The following GRIN2B variants were observed in gnomAD, a reference collection of about 807,000 sequenced individuals.
The protein encoded by GRIN2B is glutamate ionotropic receptor NMDA type subunit 2B, also known as glutamate receptor ionotropic, NMDA 2B.
GRIN2B carries 5 observed loss-of-function variants against 114.5 expected under a neutral mutation model. That is an observed-to-expected ratio of 0.04 (90% CI 0.02 to 0.09). The LOEUF (loss-of-function observed/expected upper bound fraction) is 0.09. Ranked by LOEUF, GRIN2B falls within the 10% of genes least tolerant of loss-of-function variation. The probability of loss-of-function intolerance (pLI) is 1.00; values close to 1 mark genes in which losing one functional copy is unlikely to be tolerated. For missense variants in GRIN2B, 1,108 were observed against 1,943.5 expected (o/e 0.57, Z 8.08); for synonymous variants, 787 against 745.1 (o/e 1.06, Z -0.92).
At chr12:13,732,693 T>C (rs534005328) in intron 4 of GRIN2B, among the ~76,000 whole-genome samples, 10 of 152,346 alleles carry the variant, frequency 6.6e-5, no homozygotes, top group African/African-American at 2.4e-4. Flanking sequence ...GTCTTTTCTA[T>C]TGTGTTATCC....
At chr12:13,587,241 C>G (rs1948939238) in intron 10 of GRIN2B, among the ~76,000 whole-genome samples, 1 of 151,916 alleles carries the variant, frequency 6.6e-6, no homozygotes, top group African/African-American at 2.4e-5. Context: ...TGGTCATTCC[C>G]TGGAAACCCT....
rs537918745 is a variant in GRIN2B at position 13,827,668 on chromosome 12, T to C, written c.411+38130A>G. Among the ~76,000 whole-genome samples the C allele has an allele frequency of 1.3e-3, 181 of 141,814 alleles. 3 individuals carry two copies. Among genetic ancestry groups the C allele is most frequent in the South Asian group, 6.7e-3 (27 of 4,060 alleles). The allele number at this position is 141,814 out of a possible 152,430, so 93.0% of individuals were successfully genotyped here. ...GTCTTCCTTTATATCTCTGAACATATTTATAACACGTCTTTCTTTGGGTGG... is the reference window on the plus strand; with the variant it reads ...GTCTTCCTTTATATCTCTGAACATACTTATAACACGTCTTTCTTTGGGTGG... On this transcript the variant is annotated intron_variant, in intron 3 of 13. Coordinates refer to ENST00000609686, the MANE Select transcript of GRIN2B (RefSeq NM_000834.5).
intron 3 of GRIN2B, among the ~76,000 whole-genome samples, chr12:13,855,975 G>A (rs1020666905): frequency 1.3e-5 from 2 of 152,170 alleles, no homozygotes; most frequent in Admixed American, 6.5e-5. Context: ...GGCCCACAAT[G>A]AGCCTACTCT....
At chr12:13,916,710 TATAC>T (rs1220294134) in intron 2 of GRIN2B, among the ~76,000 whole-genome samples, 29 of 100,282 alleles carry the variant, frequency 2.9e-4, no homozygotes, top group Admixed American at 1.2e-3. Context: ...TACATATACA[TATAC>T]ACACACACAC....
At position 13,753,788 on chromosome 12, in the gene GRIN2B, T is replaced by C; in HGVS notation, c.539A>G (p.Gln180Arg). 6.2e-7 allele frequency: 1 copy of C among 1,613,870 alleles called. No individual in the cohort carries two copies. The highest frequency in any genetic ancestry group is 1.1e-5 in the South Asian group (1 of 91,060). Reference sequence around the variant, plus strand: ...GCTGCGGATCTTGTTTACAAAGTCCTGGTAGCCAGGGAAATAGGTGGTGAC... The same window carrying C: ...GCTGCGGATCTTGTTTACAAAGTCCCGGTAGCCAGGGAAATAGGTGGTGAC... ...SIVTTYFPGY[Q>R]DFVNKIRSTI... The change falls in exon 4 of 14, where the codon CAG becomes CGG. Residue 180 changes from glutamine to arginine, a missense_variant. Gln to Arg is a conservative substitution (Grantham distance 43). This residue lies in a region of GRIN2B where 199 missense variants were observed against 439.6 expected (regional missense o/e 0.45). Transcript: ENST00000609686. The surrounding 1 kb of genome is among the most constrained non-coding windows in gnomAD (Gnocchi z 6.2).
chr12:13,584,769 T>C lies in GRIN2B; in HGVS notation c.2011-12805A>G, dbSNP rs537448538. On this transcript the variant is annotated intron_variant, in intron 10 of 13. Transcript: ENST00000609686. ...GTGACAGAGTTAGAGATGATTATGA[T>C]AACATGGAGATGAAGTGAAACAGAG... Among the ~76,000 whole-genome samples the C allele has an allele frequency of 2.2e-4, 33 of 152,366 alleles. No individual in the cohort carries two copies. In the South Asian group the frequency reaches 6.6e-3, roughly 31 times the overall value.
In GRIN2B at chr12:13,555,175, G is replaced by T. The variant is rs536982571; in HGVS notation, c.*7608C>A. The T allele has an allele frequency of 6.6e-5, 10 of 152,314 alleles. No homozygotes were observed. The East Asian group carries it at 1.9e-3, about 29-fold the overall frequency. 9.4% of individuals were successfully genotyped at this position (152,314 alleles called of 1,614,324 possible). ...AAGAGGAAGAGCAGGAACCAATGAG[G>T]TTAGAGGACCAGAGAACTAAGATTA... On this transcript the variant is annotated 3_prime_UTR_variant, in exon 14 of 14. Coordinates refer to ENST00000609686, the MANE Select transcript of GRIN2B (RefSeq NM_000834.5).
At chr12:13,927,372 T>A (rs1367013767) in intron 2 of GRIN2B, among the ~76,000 whole-genome samples, 1 of 152,178 alleles carries the variant, frequency 6.6e-6, no homozygotes, top group African/African-American at 2.4e-5. Flanking sequence ...GAAATGTTTT[T>A]TTCTGTAAAG....
intron 2 of GRIN2B, among the ~76,000 whole-genome samples, chr12:13,916,827 C>A (rs926810314): frequency 6.7e-6 from 1 of 149,914 alleles, no homozygotes; most frequent in Non-Finnish European, 1.5e-5. Flanking sequence ...AATGCTATAG[C>A]AAATTATTAT....
At chr12:13,833,283 G>A (rs1565555405) in intron 3 of GRIN2B, among the ~76,000 whole-genome samples, 1 of 152,168 alleles carries the variant, frequency 6.6e-6, no homozygotes, top group African/African-American at 2.4e-5. Flanking sequence ...CCACTCAGAG[G>A]TAGGTACTCA....
intron 3 of GRIN2B, among the ~76,000 whole-genome samples, chr12:13,835,882 C>T (rs929444399): frequency 1.3e-5 from 2 of 151,578 alleles, no homozygotes; most frequent in Non-Finnish European, 2.9e-5. Flanking sequence ...GCCAGGCATG[C>T]CTTTAAACAT....
chr12:13,880,888 G>A (rs1408765564), intron 2 of GRIN2B, among the ~76,000 whole-genome samples: 1 of 152,112 alleles, frequency 6.6e-6, no homozygotes, highest in Non-Finnish European at 1.5e-5. Flanking sequence ...CTCTCATGCT[G>A]TGCAAAGGTT....
At chr12:13,934,610 T>C (rs1248738242) in intron 2 of GRIN2B, among the ~76,000 whole-genome samples, 3 of 152,168 alleles carry the variant, frequency 2.0e-5, no homozygotes, top group African/African-American at 4.8e-5. Flanking sequence ...CCCTCTTTCC[T>C]CCACAGGCTA....
intron 3 of GRIN2B, among the ~76,000 whole-genome samples, chr12:13,856,766 C>T (rs907254366): frequency 3.9e-5 from 6 of 152,130 alleles, no homozygotes; most frequent in Non-Finnish European, 5.9e-5. Flanking sequence ...CTTCTCTCCC[C>T]TTTCCACTGT....
chr12:13,914,921 A>G (rs952965407), intron 2 of GRIN2B, among the ~76,000 whole-genome samples: 3 of 152,190 alleles, frequency 2.0e-5, no homozygotes, highest in African/African-American at 7.2e-5. Flanking sequence ...CAGGAAGGGT[A>G]GAGGAAAGAG....
intron 4 of GRIN2B, among the ~76,000 whole-genome samples, chr12:13,686,603 A>C (rs910625687): frequency 8.5e-5 from 13 of 152,170 alleles, no homozygotes; most frequent in Non-Finnish European, 1.8e-4. Context: ...TTCAACCCCT[A>C]TGAAAAAGTA....
intron 5 of GRIN2B, among the ~76,000 whole-genome samples, chr12:13,668,589 G>T (rs140488601): frequency 6.6e-6 from 1 of 152,050 alleles, no homozygotes; most frequent in African/African-American, 2.4e-5. Context: ...GGATGTGAGG[G>T]TCTGCACTAA....
intron 3 of GRIN2B, among the ~76,000 whole-genome samples, chr12:13,796,682 G>A (rs1038192054): frequency 5.9e-5 from 9 of 152,210 alleles, no homozygotes; most frequent in Middle Eastern, 3.4e-3. Context: ...TCTGGCCAGC[G>A]AAACCTCTCC....
intron 3 of GRIN2B, among the ~76,000 whole-genome samples, chr12:13,803,291 G>T (rs1477008146): frequency 6.6e-6 from 1 of 152,084 alleles, no homozygotes; most frequent in Non-Finnish European, 1.5e-5. Flanking sequence ...TACTGTGTGG[G>T]AGGTTGGTTC....
Sources: gnomAD v4.1 joint callset for allele counts (sites outside exome capture counted in the v4.1 genomes callset) on GRCh38, gnomAD v4.1.1 for gene constraint, gnomAD v4.1.1 regional missense constraint, Gnocchi (gnomAD v3.1) non-coding constraint, MANE v1.5 for transcripts, NCBI Gene and HGNC (gene_info 2026-07-23, HGNC 2026-07-21) for gene names.